Variants in WFDC8 observed in about 807,000 individuals in gnomAD.
WFDC8 encodes WAP four-disulfide core domain protein 8.
In WFDC8, 24 loss-of-function variants were observed where a neutral mutation model predicts 27.0. The observed-to-expected ratio is 0.89, with a 90% CI of 0.64 to 1.25. The LOEUF is 1.25. Ranked by LOEUF, WFDC8 falls within the 50% of genes most tolerant of loss-of-function variation. The pLI is 0.00. For missense variants in WFDC8, 287 were observed against 295.9 expected, an observed-to-expected ratio of 0.97 and a Z score of 0.22; for synonymous variants, 106 against 99.7, an observed-to-expected ratio of 1.06 and a Z score of -0.38.
chr20:45,565,141 AAGGG>A (rs979323054), intron 1 of WFDC8, among the ~76,000 whole-genome samples: 7 of 146,330 alleles, frequency 4.8e-5, no homozygotes, highest in African/African-American at 1.2e-4. Flanking sequence ...GGAAGGGAAA[AAGGG>A]AGGGAGGGAA....
chr20:45,573,542 A>G (rs1183805818), intron 1 of WFDC8, among the ~76,000 whole-genome samples: 1 of 152,164 alleles, frequency 6.6e-6, no homozygotes, highest in East Asian at 1.9e-4. Flanking sequence ...TTATAAGCGA[A>G]AACATATGGT....
intron 1 of WFDC8, among the ~76,000 whole-genome samples, chr20:45,565,156 G>C (rs73127344): frequency 0.097 from 14,602 of 151,276 alleles, 720 homozygotes; most frequent in African/African-American, 0.12. Context: ...AGGGAGGGAA[G>C]GAAGGAAGGA....
intron 1 of WFDC8, among the ~76,000 whole-genome samples, chr20:45,573,766 A>G (rs1429476243): frequency 6.6e-6 from 1 of 152,196 alleles, no homozygotes; most frequent in Non-Finnish European, 1.5e-5. Flanking sequence ...TCCCAAGACC[A>G]TTTATCAGAG....
intron 1 of WFDC8, among the ~76,000 whole-genome samples, chr20:45,570,150 A>G (rs181579035): frequency 7.2e-5 from 11 of 152,296 alleles, no homozygotes; most frequent in East Asian, 3.9e-4. Flanking sequence ...AAGTTTACCT[A>G]TATAACAAGT....
chr20:45,572,996 C>T (rs1051532943), intron 1 of WFDC8, among the ~76,000 whole-genome samples: 2 of 152,176 alleles, frequency 1.3e-5, no homozygotes, highest in Non-Finnish European at 2.9e-5. Flanking sequence ...AAATGGAGTG[C>T]CGTATATATT....
At chr20:45,568,482 G>A (rs1980759728) in intron 1 of WFDC8, 1 of 318,182 alleles carries the variant, frequency 3.1e-6, no homozygotes. Context: ...ATGGCCTTCA[G>A]CTTTCCTGAA....
chr20:45,578,789 G>A (rs937382982), intron 1 of WFDC8, among the ~76,000 whole-genome samples: 1 of 152,128 alleles, frequency 6.6e-6, no homozygotes, highest in African/African-American at 2.4e-5. Context: ...TTATATGCTT[G>A]TTTAATTTAA....
intron 2 of WFDC8, among the ~76,000 whole-genome samples, chr20:45,559,507 A>C (rs1018795716): frequency 6.6e-6 from 1 of 152,152 alleles, no homozygotes; most frequent in South Asian, 2.1e-4. Context: ...AGTCAGGCAG[A>C]CCTGGCTCGG....
chr20:45,576,083 G>A (rs1012643550), intron 1 of WFDC8, among the ~76,000 whole-genome samples: 1 of 151,376 alleles, frequency 6.6e-6, no homozygotes, highest in African/African-American at 2.4e-5. Flanking sequence ...TCTACATTCT[G>A]ATACCGGAGA....
intron 1 of WFDC8, among the ~76,000 whole-genome samples, chr20:45,562,530 G>A (rs1486323524): frequency 6.6e-6 from 1 of 152,172 alleles, no homozygotes; most frequent in Non-Finnish European, 1.5e-5. Context: ...GATTTATTTG[G>A]AACAGTTGCA....
Position 45,552,042 on chromosome 20 carries a change from A to G in WFDC8, c.710T>C (p.Met237Thr). 9 of 1,614,110 alleles carry G rather than the reference A, an allele frequency of 5.6e-6. No individual in the cohort carries two copies. Among genetic ancestry groups the G allele is most frequent in the Middle Eastern group, 1.7e-4 (1 of 6,060 alleles). Residue 237 changes from methionine (M) to threonine (T), a missense_variant, in exon 6 of 6, where the codon ATG becomes ACG. Coordinates refer to ENST00000289953, the MANE Select transcript of WFDC8 (RefSeq NM_130896.3). ...KCCSHCGLKC[M>T]DPRR Reference sequence around the variant, plus strand: ...ACTTACTATTCAACGTCTGGGGTCCATACATTTCAGTCCACAATGTGAGCA... The same window carrying G: ...ACTTACTATTCAACGTCTGGGGTCCGTACATTTCAGTCCACAATGTGAGCA...
chr20:45,559,136 G>T, intron 2 of WFDC8, 144 bp from the exon 3 acceptor site: 1 of 1,012,804 alleles, frequency 9.9e-7, no homozygotes, highest in Non-Finnish European at 1.4e-6. Context: ...TCAGGGGCTA[G>T]TTCTGTTTCT....
At chr20:45,565,333 G>A (rs1342618695) in intron 1 of WFDC8, among the ~76,000 whole-genome samples, 4 of 152,258 alleles carry the variant, frequency 2.6e-5, no homozygotes, top group African/African-American at 9.6e-5. Flanking sequence ...TCAGGCTGGG[G>A]TACCCATATC....
chr20:45,552,497 T>C (rs754301619), intron 5 of WFDC8, among the ~76,000 whole-genome samples: 4 of 152,208 alleles, frequency 2.6e-5, no homozygotes, highest in Non-Finnish European at 5.9e-5. Flanking sequence ...GTTTTACAAA[T>C]TGTAGGCATT....
intron 1 of WFDC8, among the ~76,000 whole-genome samples, chr20:45,570,594 A>C (rs1980833226): frequency 6.6e-6 from 1 of 152,128 alleles, no homozygotes; most frequent in Non-Finnish European, 1.5e-5. Context: ...AGTTTGGGGC[A>C]ATTATGAATG....
chr20:45,568,117 C>G (rs1007936503), intron 1 of WFDC8: 9 of 370,916 alleles, frequency 2.4e-5, no homozygotes, highest in African/African-American at 1.5e-4. Context: ...GAAAAATGGT[C>G]TGAACTGAAA....
At chr20:45,554,745 C>G (rs1214774661) in intron 4 of WFDC8, among the ~76,000 whole-genome samples, 2 of 152,180 alleles carry the variant, frequency 1.3e-5, no homozygotes, top group South Asian at 4.1e-4. Context: ...AGTTTCAAGT[C>G]AGGTCCCAGG....
Position 45,552,068 on chromosome 20 carries a change from G to A in WFDC8, c.684C>T (p.Cys228=). The A allele has an allele frequency of 6.2e-7, 1 of 1,614,112 alleles. No homozygotes were observed. The highest frequency in any genetic ancestry group is 8.5e-7 in the Non-Finnish European group (1 of 1,179,970). ...QDEECPLVEK[C]CSHCGLKCMD... Reference sequence around the variant, plus strand: ...TACATTTCAGTCCACAATGTGAGCAGCACTTTTCCACCAATGGGCACTCCT... The same window carrying A: ...TACATTTCAGTCCACAATGTGAGCAACACTTTTCCACCAATGGGCACTCCT... The change falls in exon 6 of 6, where the codon TGC becomes TGT. Residue 228 remains cysteine, a synonymous_variant. Coordinates refer to ENST00000289953, the MANE Select transcript of WFDC8 (RefSeq NM_130896.3).
At chr20:45,568,138 C>G (rs1653608780) in intron 1 of WFDC8, 2 of 356,990 alleles carry the variant, frequency 5.6e-6, no homozygotes, top group South Asian at 3.0e-5. Flanking sequence ...ATCTCCATTT[C>G]CACTACCCAA....
Sources: gnomAD v4.1 joint callset for allele counts (sites outside exome capture counted in the v4.1 genomes callset) on GRCh38, gnomAD v4.1.1 for gene constraint, MANE v1.5 for transcripts, NCBI Gene and HGNC (gene_info 2026-07-23, HGNC 2026-07-21) for gene names.